AATF: variants seen among roughly 807,000 people sequenced by gnomAD.
The protein encoded by AATF is protein AATF.
In AATF, 48 loss-of-function variants were observed where a neutral mutation model predicts 63.7. That is an observed-to-expected ratio of 0.75 (90% CI 0.60 to 0.96). The LOEUF is 0.96. Ranked by LOEUF, AATF falls within the 40% of genes least tolerant of loss-of-function variation. The pLI, the probability that AATF is intolerant of heterozygous loss-of-function variation, is 0.00. For synonymous variants in AATF, 258 were observed against 247.7 expected (o/e 1.04, Z -0.39); for missense variants, 639 against 685.7 (o/e 0.93, Z 0.76).
At chr17:37,009,739 T>C (rs9747153) in intron 8 of AATF, among the ~76,000 whole-genome samples, 125,337 of 148,200 alleles carry the variant, frequency 0.85, 53,758 homozygotes, top group African/African-American at 0.97. Flanking sequence ...ATGGCGTGAA[T>C]CCGGGAAGCG....
chr17:36,952,494 T>C (rs1295900883), intron 2 of AATF, among the ~76,000 whole-genome samples: 1 of 152,280 alleles, frequency 6.6e-6, no homozygotes, highest in Non-Finnish European at 1.5e-5. Flanking sequence ...CTAACACCAG[T>C]TGAAATCTTA....
intron 7 of AATF, among the ~76,000 whole-genome samples, chr17:36,989,634 T>C (rs2071198077): frequency 1.3e-5 from 2 of 152,214 alleles, no homozygotes; most frequent in Admixed American, 6.5e-5. Flanking sequence ...CTCTTAATTT[T>C]GAGTTTGATG....
rs974321759 is a variant in AATF at position 37,020,567 on chromosome 17, A to G, written c.1467-367A>G. 9.8e-5 allele frequency among the ~76,000 whole-genome samples: 15 copies of G among 152,342 alleles called. No homozygotes were observed. The South Asian group carries it at 2.7e-3, about 27-fold the overall frequency. Reference sequence around the variant, plus strand: ...AAAAATTCATGCATTCAAACCAACCAGCAGTTGCAACATTAGTAACAGAAC... The same window carrying G: ...AAAAATTCATGCATTCAAACCAACCGGCAGTTGCAACATTAGTAACAGAAC... On this transcript the variant is annotated intron_variant, in intron 9 of 11. Coordinates refer to ENST00000619387, the MANE Select transcript of AATF (RefSeq NM_012138.4).
chr17:37,001,405 G>GAGGA (rs1212807271), intron 8 of AATF, among the ~76,000 whole-genome samples: 3,812 of 63,666 alleles, frequency 0.06, 250 homozygotes, highest in East Asian at 0.25. Context: ...AGGAGGGAGG[G>GAGGA]AGGAAGGAAG....
At chr17:36,967,086 G>A (rs2070997173) in intron 4 of AATF, among the ~76,000 whole-genome samples, 1 of 151,996 alleles carries the variant, frequency 6.6e-6, no homozygotes, top group African/African-American at 2.4e-5. Flanking sequence ...TTGAATCCAT[G>A]GGTTTCTCTA....
intron 11 of AATF, among the ~76,000 whole-genome samples, chr17:37,038,080 A>G (rs1470816644): frequency 6.6e-6 from 1 of 152,202 alleles, no homozygotes; most frequent in African/African-American, 2.4e-5. Context: ...TCCTGTCTCA[A>G]TAAATTACCC....
intron 10 of AATF, among the ~76,000 whole-genome samples, chr17:37,030,207 T>G (rs1239924075): frequency 6.6e-6 from 1 of 152,140 alleles, no homozygotes; most frequent in Non-Finnish European, 1.5e-5. Flanking sequence ...CACCACACCC[T>G]GCCTCTATTA....
intron 8 of AATF, among the ~76,000 whole-genome samples, chr17:37,002,226 A>G (rs932248963): frequency 2.6e-5 from 4 of 151,634 alleles, no homozygotes; most frequent in Admixed American, 2.0e-4. Context: ...AAAAAATACT[A>G]AAGAAGCCAC....
intron 11 of AATF, among the ~76,000 whole-genome samples, chr17:37,038,083 A>G (rs1330237033): frequency 6.6e-6 from 1 of 152,190 alleles, no homozygotes; most frequent in Non-Finnish European, 1.5e-5. Context: ...TGTCTCAATA[A>G]ATTACCCAGC....
chr17:37,002,395 T>C (rs1032347463), intron 8 of AATF, among the ~76,000 whole-genome samples: 8 of 151,662 alleles, frequency 5.3e-5, no homozygotes, highest in African/African-American at 9.7e-5. Flanking sequence ...TGGCTGGGCA[T>C]GGTGCCTCAC....
At chr17:37,018,885 C>A in intron 8 of AATF, 120 bp from the exon 9 acceptor site, 1 of 777,280 alleles carries the variant, frequency 1.3e-6, no homozygotes, top group Non-Finnish European at 2.3e-6. Flanking sequence ...ACTGGGTTGT[C>A]CCTTATTGAT....
At chr17:37,004,563 T>A (rs1303292562) in intron 8 of AATF, among the ~76,000 whole-genome samples, 2 of 150,746 alleles carry the variant, frequency 1.3e-5, no homozygotes, top group Admixed American at 1.3e-4. Flanking sequence ...TAGGGAGGGG[T>A]TGGTGTGATG....
intron 8 of AATF, among the ~76,000 whole-genome samples, chr17:36,993,607 G>A (rs1033348554): frequency 3.9e-5 from 6 of 152,152 alleles, no homozygotes; most frequent in Admixed American, 3.9e-4. Flanking sequence ...GCATTCAGAA[G>A]TGGTTCAATA....
chr17:37,047,610 G>A (rs2071704370), intron 11 of AATF, among the ~76,000 whole-genome samples: 1 of 152,234 alleles, frequency 6.6e-6, no homozygotes, highest in Non-Finnish European at 1.5e-5. Context: ...ACAGGCCAGA[G>A]GCCGTGTGTC....
intron 11 of AATF, among the ~76,000 whole-genome samples, chr17:37,047,604 G>A (rs905012236): frequency 6.6e-6 from 1 of 152,222 alleles, no homozygotes; most frequent in African/African-American, 2.4e-5. Context: ...TAGGGGACAG[G>A]CCAGAGGCCG....
intron 4 of AATF, among the ~76,000 whole-genome samples, chr17:36,984,539 C>T (rs1329404736): frequency 6.6e-6 from 1 of 152,190 alleles, no homozygotes; most frequent in East Asian, 1.9e-4. Context: ...GTACTTTCAA[C>T]ACATAAATGG....
intron 5 of AATF, 147 bp downstream of exon 5, chr17:36,986,878 C>T: frequency 1.5e-6 from 1 of 672,650 alleles, no homozygotes; most frequent in Admixed American, 2.9e-5. Context: ...CAGGATGGCA[C>T]ATAAGTTGGT....
chr17:37,024,102 TA>T (rs953552662), intron 10 of AATF, among the ~76,000 whole-genome samples: 1 of 152,182 alleles, frequency 6.6e-6, no homozygotes, highest in African/African-American at 2.4e-5. Context: ...CATGGTTGAT[TA>T]AATCTGTGGA....
intron 4 of AATF, among the ~76,000 whole-genome samples, chr17:36,969,730 G>A (rs923288598): frequency 1.4e-4 from 21 of 152,092 alleles, no homozygotes; most frequent in Non-Finnish European, 2.6e-4. Flanking sequence ...TATACACCCG[G>A]GAAACCATCA....
Sources: gnomAD v4.1 joint callset for allele counts (sites outside exome capture counted in the v4.1 genomes callset) on GRCh38, gnomAD v4.1.1 for gene constraint, MANE v1.5 for transcripts, NCBI Gene and HGNC (gene_info 2026-07-23, HGNC 2026-07-21) for gene names.